Variants in EPHA2 observed in about 807,000 individuals in gnomAD.
EPHA2 encodes ephrin type-A receptor 2.
In EPHA2, 54 loss-of-function variants were observed where a neutral mutation model predicts 104.9. The ratio of observed to expected loss-of-function variants is 0.51; its 90% confidence interval spans 0.41 to 0.65. The LOEUF is 0.65. EPHA2 is among the 30% of genes least tolerant of loss of function. EPHA2 has a pLI of 0.00. For missense variants in EPHA2, 1,117 were observed against 1,369.5 expected, an observed-to-expected ratio of 0.82 and a Z score of 2.91; for synonymous variants, 560 against 559.1, an observed-to-expected ratio of 1.00 and a Z score of -0.02.
At chr1:16,126,504 C>T (rs781768151) in intron 16 of EPHA2, among the ~76,000 whole-genome samples, 7 of 152,160 alleles carry the variant, frequency 4.6e-5, no homozygotes, top group African/African-American at 1.2e-4. Flanking sequence ...CAGGACCTCC[C>T]GCAGAGGCTG....
At position 16,133,494 on chromosome 1, in the gene EPHA2, C is replaced by T. The variant is rs1219365435; in HGVS notation, c.1851G>A (p.Lys617=). ...GGCCAACCTCACCTGCTCCGATCAC[C>T]TTCTGCCGAGTGACACAGGATGGAT... ...EIHPSCVTRQ[K]VIGAGEFGEV... is the part of the protein sequence containing the mutation. Residue 617 remains lysine, a synonymous_variant, in exon 10 of 17, where the codon AAG becomes AAA. Coordinates refer to ENST00000358432, the MANE Select transcript of EPHA2 (RefSeq NM_004431.5). 6.2e-7 allele frequency: 1 copy of T among 1,614,024 alleles called. No individual in the cohort carries two copies.
At position 16,133,934 on chromosome 1, in the gene EPHA2, G is replaced by A. The variant is rs1382324460; in HGVS notation, c.1683-19C>T. 1.9e-6 allele frequency: 3 copies of A among 1,550,420 alleles called. No individual in the cohort carries two copies. In the African/African-American group the frequency reaches 4.1e-5, roughly 21 times the overall value. Reference sequence around the variant, plus strand: ...CTTCCTCCTGAAAGAGCCCCACGGGGAACCAAATGCAGGGAGGTCAGTGAG... The same window carrying A: ...CTTCCTCCTGAAAGAGCCCCACGGGAAACCAAATGCAGGGAGGTCAGTGAG... On this transcript the variant is annotated intron_variant, in intron 8 of 16. Coordinates refer to ENST00000358432, the MANE Select transcript of EPHA2 (RefSeq NM_004431.5).
At position 16,134,424 on chromosome 1, in the gene EPHA2, C is replaced by G. The variant is rs570741515; in HGVS notation, c.1682+44G>C. 1.4e-5 allele frequency: 22 copies of G among 1,600,504 alleles called. No homozygotes were observed. Among genetic ancestry groups the G allele is most frequent in the Non-Finnish European group, 1.7e-5 (20 of 1,168,700 alleles). Reference sequence around the variant, plus strand: ...GAAATGGAGGTTCCTGCCCCATTTTCCCACCCAAGCCCATGTGGAGCCAGG... The same window carrying G: ...GAAATGGAGGTTCCTGCCCCATTTTGCCACCCAAGCCCATGTGGAGCCAGG... On this transcript the variant is annotated intron_variant, in intron 8 of 16. Transcript: ENST00000358432. This position sits in a 1 kb window ranked among gnomAD's most constrained non-coding sequence, Gnocchi z 4.5.
chr1:16,148,921 T>C lies in EPHA2; in HGVS notation c.280A>G (p.Ile94Val), dbSNP rs1388112980. The C allele has an allele frequency of 1.9e-6, 3 of 1,614,026 alleles. No homozygotes were observed. Among genetic ancestry groups the C allele is most frequent in the South Asian group, 2.2e-5 (2 of 91,080 alleles). ...ACAGTAAACTTGAGCTCAATGAAGA[T>C]ACGCTCAGCCTCTCCTCGGTACACC... Reference protein sequence around the residue: ...NWVYRGEAERIFIELKFTVRD... With the variant: ...NWVYRGEAERVFIELKFTVRD... Residue 94 changes from isoleucine (I) to valine (V), a missense_variant, in exon 3 of 17, where the codon ATC becomes GTC. Physicochemically the swap from Ile to Val is conservative, Grantham distance 29. This residue lies in a region of EPHA2 where 664 missense variants were observed against 784.8 expected (regional missense o/e 0.85). Transcript: ENST00000358432. This position sits in a 1 kb window ranked among gnomAD's most constrained non-coding sequence, Gnocchi z 4.9.
intron 3 of EPHA2, among the ~76,000 whole-genome samples, chr1:16,139,528 A>T (rs1177469048): frequency 6.6e-6 from 1 of 152,184 alleles, no homozygotes; most frequent in Non-Finnish European, 1.5e-5. Flanking sequence ...GAGCAGAAGC[A>T]CCTGACAAGG....
In EPHA2 at chr1:16,138,104, C is replaced by CTG; in HGVS notation, c.1059_1060dup (p.Ser354ThrfsTer40). ...GTAGACAATGTCCTCGCGGCCCCCG[C>CTG]TGTCCTGAGGGGGCGTCCAGCGCAG... On this transcript the variant is annotated frameshift_variant, in exon 5 of 17. Coordinates refer to ENST00000358432, the MANE Select transcript of EPHA2 (RefSeq NM_004431.5). LOFTEE classifies it high-confidence loss of function. 6.2e-7 allele frequency: 1 copy of CTG among 1,610,192 alleles called. No individual in the cohort carries two copies. Among genetic ancestry groups the CTG allele is most frequent in the South Asian group, 1.1e-5 (1 of 91,072 alleles).
intron 3 of EPHA2, 57 bp from the exon 4 acceptor site, chr1:16,138,487 C>T: frequency 1.2e-6 from 2 of 1,610,602 alleles, no homozygotes; most frequent in Non-Finnish European, 1.7e-6. Flanking sequence ...GCTTCCACCC[C>T]ACGTGACTGT....
chr1:16,130,441 G>A lies in EPHA2; in HGVS notation c.2476-22C>T, dbSNP rs1203141517. 3.9e-6 allele frequency: 6 copies of A among 1,531,012 alleles called. No homozygotes were observed. The highest frequency in any genetic ancestry group is 4.6e-5 in the East Asian group (2 of 43,752). 94.8% of individuals were successfully genotyped at this position (1,531,012 alleles called of 1,614,324 possible). ...TCACCTGGCGGGGCACGAAGGTCAG[G>A]GGCGCTGTTGCAGAAAGCCACTGAA... On this transcript the variant is annotated intron_variant, in intron 14 of 16. Transcript: ENST00000358432. The surrounding 1 kb of genome is among the most constrained non-coding windows in gnomAD (Gnocchi z 4.5).
rs1057295370 is a variant in EPHA2 at position 16,124,808 on chromosome 1, G to A, written c.*407C>T. 1.7e-4 allele frequency: 37 copies of A among 222,024 alleles called. 1 individual carries two copies. The highest frequency in any genetic ancestry group is 4.0e-3 in the Middle Eastern group (2 of 506). 13.8% of individuals were successfully genotyped at this position (222,024 alleles called of 1,614,324 possible). A position where few individuals can be genotyped will look rare whatever the true frequency, so the allele number is the denominator to read the frequency against. On this transcript the variant is annotated 3_prime_UTR_variant, in exon 17 of 17. Transcript: ENST00000358432. ...TTCACAGTCTGCCCTCTTAGTGTGA[G>A]GAAATGGGGCTTGAGGTACCCTGTT...
chr1:16,140,294 A>G (rs1031088806), intron 3 of EPHA2, among the ~76,000 whole-genome samples: 2 of 152,178 alleles, frequency 1.3e-5, no homozygotes, highest in Admixed American at 1.3e-4. Context: ...GCAAGAGCTC[A>G]GGCACATAGG....
At chr1:16,153,974 C>T (rs572111175) in intron 1 of EPHA2, among the ~76,000 whole-genome samples, 1 of 152,088 alleles carries the variant, frequency 6.6e-6, no homozygotes, top group South Asian at 2.1e-4. Flanking sequence ...AAAAATGTAC[C>T]CCCACCCCAG....
At chr1:16,138,793 C>T (rs1046684663) in intron 3 of EPHA2, among the ~76,000 whole-genome samples, 3 of 152,212 alleles carry the variant, frequency 2.0e-5, no homozygotes, top group Non-Finnish European at 1.5e-5. Flanking sequence ...CGCTGCCCAC[C>T]GGCCTCATCC....
intron 1 of EPHA2, among the ~76,000 whole-genome samples, chr1:16,151,717 C>T (rs902746541): frequency 1.3e-5 from 2 of 152,192 alleles, no homozygotes; most frequent in Non-Finnish European, 2.9e-5. Flanking sequence ...ACTCCCACCA[C>T]CCCTGCCCCT....
intron 9 of EPHA2, 70 bp downstream of exon 9, chr1:16,133,789 GC>G: frequency 6.7e-7 from 1 of 1,496,978 alleles, no homozygotes; most frequent in South Asian, 1.3e-5. Context: ...CACCCTGGCT[GC>G]CCCCACCTCC....
chr1:16,152,828 G>A (rs185375044), intron 1 of EPHA2, among the ~76,000 whole-genome samples: 3 of 152,324 alleles, frequency 2.0e-5, no homozygotes, highest in Admixed American at 2.0e-4. Flanking sequence ...AATCGGAGAA[G>A]AAAAGAAGCC....
Position 16,132,259 on chromosome 1 carries a change from C to T in EPHA2, c.2130G>A (p.Glu710=). The T allele has an allele frequency of 6.2e-7, 1 of 1,614,132 alleles. No individual in the cohort carries two copies. Among genetic ancestry groups the T allele is most frequent in the Non-Finnish European group, 8.5e-7 (1 of 1,180,022 alleles). ...TGCCCACCAGCTGCAGCACGCTGAA[C>T]TCGCCATCCTTCTCCTGCCGGAGCA... ...LDKFLREKDG[E]FSVLQLVGML... The change falls in exon 13 of 17, where the codon GAG becomes GAA. Residue 710 remains glutamate (E), a synonymous_variant. Coordinates refer to ENST00000358432, the MANE Select transcript of EPHA2 (RefSeq NM_004431.5).
chr1:16,130,076 C>T lies in EPHA2; in HGVS notation c.2669+150G>A, dbSNP rs955962222. The T allele has an allele frequency of 1.9e-6, 2 of 1,043,268 alleles. No homozygotes were observed. Among genetic ancestry groups the T allele is most frequent in the South Asian group, 3.1e-5 (2 of 63,516 alleles). 64.6% of individuals were successfully genotyped at this position (1,043,268 alleles called of 1,614,324 possible). Reference sequence around the variant, plus strand: ...CTTCTATTAGGATTTCCTGGGCCATCGTGTCCAGTCTAAGTCAAGTCCACA... The same window carrying T: ...CTTCTATTAGGATTTCCTGGGCCATTGTGTCCAGTCTAAGTCAAGTCCACA... On this transcript the variant is annotated intron_variant, in intron 15 of 16. Transcript: ENST00000358432. This position sits in a 1 kb window ranked among gnomAD's most constrained non-coding sequence, Gnocchi z 4.5.
intron 16 of EPHA2, among the ~76,000 whole-genome samples, chr1:16,127,854 C>T (rs2024498318): frequency 6.6e-6 from 1 of 152,190 alleles, no homozygotes; most frequent in South Asian, 2.1e-4. Context: ...TCCAAGACTG[C>T]CCCGTCCCTG....
intron 10 of EPHA2, 45 bp from the exon 11 acceptor site, chr1:16,133,413 A>G (rs1285543536): frequency 6.2e-7 from 1 of 1,613,898 alleles, no homozygotes; most frequent in Non-Finnish European, 8.5e-7. Context: ...CAGCCCCGGC[A>G]TGAGGGCTCC....
Sources: allele counts gnomAD v4.1 joint callset (sites outside exome capture counted in the v4.1 genomes callset), GRCh38; gene constraint gnomAD v4.1.1; regional missense constraint gnomAD v4.1.1; non-coding constraint Gnocchi (gnomAD v3.1); transcripts MANE v1.5; gene names NCBI Gene and HGNC (gene_info 2026-07-23, HGNC 2026-07-21).